MAPKAPK3: variants seen among roughly 807,000 people sequenced by gnomAD.
MAPKAPK3 encodes the protein MAP kinase-activated protein kinase 3.
MAPKAPK3 carries 35 observed loss-of-function variants against 49.2 expected under a neutral mutation model. The observed-to-expected ratio is 0.71, with a 90% confidence interval of 0.54 to 0.94. MAPKAPK3 has a LOEUF of 0.94. MAPKAPK3 is among the 40% of genes least tolerant of loss of function. The pLI, the probability that MAPKAPK3 is intolerant of heterozygous loss-of-function variation, is 0.00. For missense variants in MAPKAPK3, 398 were observed against 493.1 expected, an observed-to-expected ratio of 0.81 and a Z score of 1.83; for synonymous variants, 178 against 188.7, an observed-to-expected ratio of 0.94 and a Z score of 0.46.
At chr3:50,631,652 A>G (rs899760644) in intron 2 of MAPKAPK3, among the ~76,000 whole-genome samples, 41 of 152,212 alleles carry the variant, frequency 2.7e-4, no homozygotes, top group African/African-American at 8.7e-4. Context: ...TCCTCATGGG[A>G]AATAATCCCA....
Position 50,617,605 on chromosome 3 carries a change from C to T in MAPKAPK3, c.40C>T (p.Pro14Ser). 6.2e-6 allele frequency: 10 copies of T among 1,600,076 alleles called. No homozygotes were observed. The highest frequency in any genetic ancestry group is 1.3e-5 in the African/African-American group (1 of 74,806). Residue 14 changes from proline to serine, a missense_variant, in exon 2 of 11, where the codon CCC becomes TCC. By Grantham distance (74) the Pro-to-Ser change is moderately conservative. Transcript: ENST00000621469. ...AGCAGAGGAGCAGGGGGGCCCTGTG[C>T]CCCCGCCAGTTGCACCCGGCGGACC... The part of the protein sequence containing the change: ...ETAEEQGGPV[P>S]PPVAPGGPGL...
chr3:50,641,206 G>C (rs1228006264), intron 3 of MAPKAPK3, among the ~76,000 whole-genome samples: 1 of 152,156 alleles, frequency 6.6e-6, no homozygotes, highest in Non-Finnish European at 1.5e-5. Context: ...CATGACTATG[G>C]GGTTGGTGCT....
At chr3:50,647,649 C>G (rs2033335384) in intron 10 of MAPKAPK3, among the ~76,000 whole-genome samples, 1 of 152,238 alleles carries the variant, frequency 6.6e-6, no homozygotes, top group Non-Finnish European at 1.5e-5. Flanking sequence ...TCCCACTTAC[C>G]CTTGGTGTGG....
intron 2 of MAPKAPK3, among the ~76,000 whole-genome samples, chr3:50,632,079 A>G (rs888344824): frequency 6.6e-6 from 1 of 152,244 alleles, no homozygotes; most frequent in African/African-American, 2.4e-5. Context: ...TAGCTGAGGC[A>G]TATGTGCTGG....
intron 2 of MAPKAPK3, among the ~76,000 whole-genome samples, chr3:50,631,479 T>C (rs922621579): frequency 6.6e-6 from 1 of 152,170 alleles, no homozygotes; most frequent in African/African-American, 2.4e-5. Context: ...TGTGACCCAT[T>C]CTCTGAGTGG....
intron 2 of MAPKAPK3, among the ~76,000 whole-genome samples, chr3:50,624,061 G>C (rs1160943300): frequency 6.6e-6 from 1 of 152,262 alleles, no homozygotes; most frequent in Non-Finnish European, 1.5e-5. Context: ...CAGGCCTTGT[G>C]AGTCTCAGAC....
intron 1 of MAPKAPK3, 85 bp downstream of exon 1, chr3:50,617,326 T>G: frequency 2.4e-6 from 1 of 417,788 alleles, no homozygotes; most frequent in Non-Finnish European, 4.3e-6. Context: ...TCTTGACACG[T>G]GCCCGGGCGG....
intron 3 of MAPKAPK3, 98 bp downstream of exon 3, chr3:50,640,603 C>A: frequency 7.0e-7 from 1 of 1,433,388 alleles, no homozygotes; most frequent in South Asian, 1.4e-5. Flanking sequence ...TTTCAGGTAG[C>A]AGATCTGGGT....
At chr3:50,623,366 C>T (rs2032656223) in intron 2 of MAPKAPK3, among the ~76,000 whole-genome samples, 2 of 152,190 alleles carry the variant, frequency 1.3e-5, no homozygotes, top group African/African-American at 4.8e-5. Context: ...GAATTTTAGG[C>T]AGAGGTTGAT....
In MAPKAPK3 at chr3:50,646,245, G is replaced by T; in HGVS notation, c.810G>T (p.Trp270Cys). 6.2e-7 allele frequency: 1 copy of T among 1,614,160 alleles called. No individual in the cohort carries two copies. Among genetic ancestry groups the T allele is most frequent in the Admixed American group, 1.7e-5 (1 of 60,022 alleles). The change falls in exon 8 of 11, where the codon TGG becomes TGT. Residue 270 changes from tryptophan (W) to cysteine (C), a missense_variant. Transcript: ENST00000621469. The part of the protein sequence containing the change: ...LGQYGFPNPE[W>C]SEVSEDAKQL... Reference sequence around the variant, plus strand: ...AGTACGGCTTCCCCAATCCTGAGTGGTCAGAAGTCTCTGAGGATGGTGAGT... The same window carrying T: ...AGTACGGCTTCCCCAATCCTGAGTGTTCAGAAGTCTCTGAGGATGGTGAGT...
chr3:50,630,181 G>A (rs1019806602), intron 2 of MAPKAPK3, among the ~76,000 whole-genome samples: 4 of 152,228 alleles, frequency 2.6e-5, no homozygotes, highest in Non-Finnish European at 5.9e-5. Flanking sequence ...AAGGAGAAGG[G>A]AAGGGAAGGA....
Position 50,617,563 on chromosome 3 carries a change from G to T in MAPKAPK3, c.-3G>T, listed in dbSNP as rs1262552543. On this transcript the variant is annotated 5_prime_UTR_variant, in exon 2 of 11. Transcript: ENST00000621469. ...GGCCGCCTCTGAGCGCCCCGCGGGG[G>T]CCATGGATGGTGAAACAGCAGAGGA... 6.7e-7 allele frequency: 1 copy of T among 1,489,548 alleles called. No individual in the cohort carries two copies. Among genetic ancestry groups the T allele is most frequent in the Admixed American group, 1.7e-5 (1 of 58,330 alleles). 92.3% of individuals were successfully genotyped at this position (1,489,548 alleles called of 1,614,324 possible).
At chr3:50,628,590 G>A (rs1045881117) in intron 2 of MAPKAPK3, among the ~76,000 whole-genome samples, 1 of 152,172 alleles carries the variant, frequency 6.6e-6, no homozygotes, top group African/African-American at 2.4e-5. Flanking sequence ...ACCAGAACCT[G>A]GATCTTCTGA....
intron 2 of MAPKAPK3, among the ~76,000 whole-genome samples, chr3:50,631,709 G>C (rs1260498298): frequency 6.6e-6 from 1 of 152,224 alleles, no homozygotes; most frequent in Non-Finnish European, 1.5e-5. Flanking sequence ...AGATGGCTGA[G>C]TCGAAGACTT....
At chr3:50,646,487 C>G (rs1200225543) in intron 8 of MAPKAPK3, among the ~76,000 whole-genome samples, 1 of 152,206 alleles carries the variant, frequency 6.6e-6, no homozygotes, top group Non-Finnish European at 1.5e-5. Flanking sequence ...AACTCCTATT[C>G]CTCATTCATA....
chr3:50,631,289 G>C (rs2032905073), intron 2 of MAPKAPK3, among the ~76,000 whole-genome samples: 1 of 152,238 alleles, frequency 6.6e-6, no homozygotes, highest in Admixed American at 6.5e-5. Flanking sequence ...CTACCTTCCA[G>C]CTCTCCAAAT....
In MAPKAPK3 at chr3:50,648,083, G is replaced by C. The variant is rs1266567556; in HGVS notation, c.*37G>C. 2 of 1,589,786 alleles carry C rather than the reference G, an allele frequency of 1.3e-6. No homozygotes were observed. Among genetic ancestry groups the C allele is most frequent in the Non-Finnish European group, 1.7e-6 (2 of 1,170,136 alleles). On this transcript the variant is annotated 3_prime_UTR_variant, in exon 11 of 11. Transcript: ENST00000621469. Reference sequence around the variant, plus strand: ...TTGGAGGAGCCTGGCCTCTCAGCCTGCATAACAGACTGAAATGTGCTCAGG... The same window carrying C: ...TTGGAGGAGCCTGGCCTCTCAGCCTCCATAACAGACTGAAATGTGCTCAGG...
intron 2 of MAPKAPK3, among the ~76,000 whole-genome samples, chr3:50,629,919 G>T (rs1336110228): frequency 6.6e-6 from 1 of 152,206 alleles, no homozygotes; most frequent in Admixed American, 6.5e-5. Context: ...TGGCTATCCT[G>T]TCCCAGAGCT....
intron 2 of MAPKAPK3, among the ~76,000 whole-genome samples, chr3:50,626,640 CA>C (rs1449447290): frequency 1.3e-5 from 2 of 152,188 alleles, no homozygotes; most frequent in African/African-American, 2.4e-5. Flanking sequence ...GGCAGTGGCA[CA>C]GGGGGCAGGG....
Sources: gnomAD v4.1 joint callset for allele counts (sites outside exome capture counted in the v4.1 genomes callset) on GRCh38, gnomAD v4.1.1 for gene constraint, MANE v1.5 for transcripts, NCBI Gene and HGNC (gene_info 2026-07-23, HGNC 2026-07-21) for gene names.